ANKS1B: variants seen among roughly 807,000 people sequenced by gnomAD.
The protein encoded by ANKS1B is ankyrin repeat and sterile alpha motif domain containing 1B.
ANKS1B carries 36 observed loss-of-function variants against 148.3 expected under a neutral mutation model. That is an observed-to-expected ratio of 0.24 (90% CI 0.19 to 0.32). The LOEUF is 0.32. Among genes scored for constraint, ANKS1B ranks in the 10% least tolerant of loss-of-function variants. The pLI is 1.00. For synonymous variants in ANKS1B, 542 were observed against 560.8 expected (o/e 0.97, Z 0.47); for missense variants, 1,157 against 1,542.6 (o/e 0.75, Z 4.19).
chr12:99,627,195 GC>G (rs2098118982), intron 9 of ANKS1B, among the ~76,000 whole-genome samples: 3 of 152,084 alleles, frequency 2.0e-5, no homozygotes, highest in Non-Finnish European at 4.4e-5. Flanking sequence ...ATTGACATAT[GC>G]AGAAAACAAC....
intron 25 of ANKS1B, among the ~76,000 whole-genome samples, chr12:98,752,816 CTGTGAG>C (rs1295081156): frequency 6.6e-6 from 1 of 152,018 alleles, no homozygotes; most frequent in African/African-American, 2.4e-5. Flanking sequence ...TCAACCTTGC[CTGTGAG>C]GATGATCCCA....
intron 17 of ANKS1B, among the ~76,000 whole-genome samples, chr12:98,876,738 T>G (rs2099691691): frequency 6.6e-6 from 1 of 152,196 alleles, no homozygotes. Flanking sequence ...ACCTCCATAA[T>G]CAGTAACTAT....
chr12:98,907,280 C>T (rs1261010650), intron 17 of ANKS1B, among the ~76,000 whole-genome samples: 6 of 152,166 alleles, frequency 3.9e-5, no homozygotes. Context: ...TCTGCAGTCA[C>T]AGTCTTGTAA....
intron 9 of ANKS1B, among the ~76,000 whole-genome samples, chr12:99,611,288 A>G (rs1224061623): frequency 6.6e-6 from 1 of 152,122 alleles, no homozygotes. Context: ...CTCTAGACAG[A>G]GCCAAATGAA....
chr12:99,145,165 G>C (rs977224323), intron 15 of ANKS1B, among the ~76,000 whole-genome samples: 10 of 152,128 alleles, frequency 6.6e-5, no homozygotes, highest in African/African-American at 2.4e-4. Context: ...GTGAAGGACA[G>C]TTGAGTATTA....
intron 12 of ANKS1B, among the ~76,000 whole-genome samples, chr12:99,314,662 T>C (rs779385559): frequency 4.6e-5 from 7 of 152,028 alleles, no homozygotes; most frequent in African/African-American, 7.2e-5. Context: ...AAAAAAGCAA[T>C]AGGGAAATGA....
At chr12:98,942,474 C>G (rs1185731407) in intron 17 of ANKS1B, among the ~76,000 whole-genome samples, 1 of 152,160 alleles carries the variant, frequency 6.6e-6, no homozygotes, top group East Asian at 1.9e-4. Context: ...GGATGGCTTT[C>G]TCCGGAAATC....
chr12:99,178,044 G>GT (rs1209333123), intron 14 of ANKS1B, among the ~76,000 whole-genome samples: 4 of 152,180 alleles, frequency 2.6e-5, no homozygotes, highest in African/African-American at 7.2e-5. Flanking sequence ...TTTATGCAGT[G>GT]TTTTTCTATT....
chr12:98,796,598 G>A (rs1427365026), intron 22 of ANKS1B, among the ~76,000 whole-genome samples: 1 of 152,164 alleles, frequency 6.6e-6, no homozygotes, highest in East Asian at 1.9e-4. Context: ...GAAAGACTCT[G>A]GTGAAATGTA....
intron 6 of ANKS1B, among the ~76,000 whole-genome samples, chr12:99,778,360 T>C (rs1411771098): frequency 6.6e-6 from 1 of 151,738 alleles, no homozygotes; most frequent in Non-Finnish European, 1.5e-5. Flanking sequence ...ATACAAAAAG[T>C]AGCCAGACAT....
intron 10 of ANKS1B, among the ~76,000 whole-genome samples, chr12:99,445,956 G>T (rs549314421): frequency 6.6e-6 from 1 of 152,008 alleles, no homozygotes; most frequent in Non-Finnish European, 1.5e-5. Context: ...CTCCTGAGCT[G>T]TAGTGATCCA....
chr12:99,829,728 G>A (rs2083690223), intron 1 of ANKS1B, among the ~76,000 whole-genome samples: 1 of 152,146 alleles, frequency 6.6e-6, no homozygotes, highest in Non-Finnish European at 1.5e-5. Flanking sequence ...TACTCAGGAG[G>A]CTGAGGCAGG....
chr12:99,593,134 T>C (rs2097720388), intron 9 of ANKS1B, among the ~76,000 whole-genome samples: 1 of 152,008 alleles, frequency 6.6e-6, no homozygotes, highest in South Asian at 2.1e-4. Flanking sequence ...GAGGAGAGTA[T>C]AATGAGGCAC....
intron 12 of ANKS1B, among the ~76,000 whole-genome samples, chr12:99,367,842 C>T (rs148994980): frequency 6.6e-6 from 1 of 151,466 alleles, no homozygotes; most frequent in Non-Finnish European, 1.5e-5. Flanking sequence ...GATAACATAG[C>T]GGATGAATGG....
chr12:98,911,271 C>G (rs906332982), intron 17 of ANKS1B, among the ~76,000 whole-genome samples: 2 of 152,068 alleles, frequency 1.3e-5, no homozygotes, highest in Admixed American at 1.3e-4. Flanking sequence ...TTTGTAGAAT[C>G]ATAGTGTCAA....
At position 99,866,543 on chromosome 12, in the gene ANKS1B, C is replaced by T. The variant is rs75979034; in HGVS notation, c.135-41154G>A. ...TGATTTATTTGTACATTTGCTGTCTCGAGAACTTAAGTAATTTGAGTAGCT... is the reference window on the plus strand; with the variant it reads ...TGATTTATTTGTACATTTGCTGTCTTGAGAACTTAAGTAATTTGAGTAGCT... On this transcript the variant is annotated intron_variant, in intron 1 of 26. Transcript: ENST00000683438. 1.7e-3 allele frequency among the ~76,000 whole-genome samples: 261 copies of T among 152,230 alleles called. 8 individuals carry two copies. The East Asian group carries it at 0.042, about 24-fold the overall frequency.
intron 1 of ANKS1B, among the ~76,000 whole-genome samples, chr12:99,870,040 A>G (rs566913441): frequency 5.9e-4 from 90 of 152,298 alleles, no homozygotes; most frequent in Non-Finnish European, 9.6e-4. Flanking sequence ...AACTGATCCT[A>G]TCACTCAGGT....
intron 17 of ANKS1B, among the ~76,000 whole-genome samples, chr12:98,908,462 C>T (rs751522690): frequency 6.6e-6 from 1 of 152,186 alleles, no homozygotes; most frequent in Non-Finnish European, 1.5e-5. Flanking sequence ...GGTTTATACA[C>T]TGGGGTGGTT....
At chr12:99,104,992 G>T (rs2058822338) in intron 15 of ANKS1B, 1 of 152,200 alleles carries the variant, frequency 6.6e-6, no homozygotes, top group Non-Finnish European at 1.5e-5. Flanking sequence ...TAGACATTCA[G>T]TAAATATTTG....
Sources: allele counts gnomAD v4.1 joint callset (sites outside exome capture counted in the v4.1 genomes callset), GRCh38; gene constraint gnomAD v4.1.1; transcripts MANE v1.5; gene names NCBI Gene and HGNC (gene_info 2026-07-23, HGNC 2026-07-21).